Variants in NEIL3 observed in about 807,000 individuals in gnomAD.
NEIL3 encodes the protein endonuclease 8-like 3.
NEIL3 carries 48 observed loss-of-function variants against 57.5 expected under a neutral mutation model. That is an observed-to-expected ratio of 0.83 (90% CI 0.66 to 1.06). NEIL3 has a LOEUF of 1.06. Among genes scored for constraint, NEIL3 ranks in the 50% least tolerant of loss-of-function variants. The pLI is 0.00. For missense variants in NEIL3, 717 were observed against 739.1 expected, an observed-to-expected ratio of 0.97 and a Z score of 0.35; for synonymous variants, 261 against 253.2, an observed-to-expected ratio of 1.03 and a Z score of -0.29.
rs1366208959 is a variant in NEIL3, at chr4:177,336,319, AAAGT to A, written c.627+3_627+6del. 1 of 1,611,148 alleles carries A rather than the reference AAAGT, an allele frequency of 6.2e-7. No individual in the cohort carries two copies. Among genetic ancestry groups the A allele is most frequent in the Non-Finnish European group, 8.5e-7 (1 of 1,178,872 alleles). ...TGACAGTGGTCTCCACCCAGCTGTT[AAAGT>A]AAGTTTTAAGTATTTTTTTAATTAT... On this transcript the variant is annotated splice_donor_variant and coding_sequence_variant, in exon 4 of 10. Transcript: ENST00000264596. LOFTEE classifies it high-confidence loss of function.
chr4:177,314,369 C>T (rs1434325383), intron 1 of NEIL3, among the ~76,000 whole-genome samples: 1 of 152,154 alleles, frequency 6.6e-6, no homozygotes, highest in African/African-American at 2.4e-5. Context: ...ATCTGATCAT[C>T]TTGATTTTGA....
chr4:177,322,391 TTAAA>T (rs1734701757), intron 1 of NEIL3, 64 bp from the exon 2 acceptor site: 5 of 1,599,892 alleles, frequency 3.1e-6, no homozygotes, highest in East Asian at 2.2e-5. Flanking sequence ...CATTTAAGAA[TTAAA>T]TAATGCTTTT....
At chr4:177,349,411 G>A (rs1238014780) in intron 6 of NEIL3, among the ~76,000 whole-genome samples, 2 of 152,002 alleles carry the variant, frequency 1.3e-5, no homozygotes, top group South Asian at 2.1e-4. Flanking sequence ...TGCTGCCAGC[G>A]TTCTTTCATG....
At chr4:177,314,726 C>T (rs1226513703) in intron 1 of NEIL3, among the ~76,000 whole-genome samples, 1 of 152,092 alleles carries the variant, frequency 6.6e-6, no homozygotes, top group Non-Finnish European at 1.5e-5. Flanking sequence ...TTAGAAATCA[C>T]TTTAAAATTA....
intron 6 of NEIL3, among the ~76,000 whole-genome samples, chr4:177,347,062 C>T (rs1001877723): frequency 2.6e-5 from 4 of 151,476 alleles, no homozygotes; most frequent in African/African-American, 9.7e-5. Context: ...AGACATGAGG[C>T]GATGATAAGT....
intron 6 of NEIL3, among the ~76,000 whole-genome samples, chr4:177,349,072 C>T (rs1735296850): frequency 1.5e-5 from 2 of 129,280 alleles, no homozygotes; most frequent in Non-Finnish European, 3.2e-5. Flanking sequence ...TTAGTAGAGA[C>T]GGGGTTTCAC....
At chr4:177,367,809 A>G (rs1166299089), downstream of NEIL3, among the ~76,000 whole-genome samples, 1 of 152,234 alleles carries the variant, frequency 6.6e-6, no homozygotes, top group Non-Finnish European at 1.5e-5. Flanking sequence ...TTCGAGAGCC[A>G]CTGTTTATTG....
chr4:177,335,533 T>C (rs1041777451), intron 2 of NEIL3, among the ~76,000 whole-genome samples, 155 bp from the exon 3 acceptor site: 2 of 152,134 alleles, frequency 1.3e-5, no homozygotes, highest in Admixed American at 1.3e-4. Context: ...GAGAAAAATA[T>C]ATAATAATCT....
chr4:177,336,152 T>C lies in NEIL3; in HGVS notation c.458T>C (p.Leu153Ser). The change falls in exon 4 of 10, where the codon TTA (leucine) becomes TCA (serine). Residue 153 changes from leucine to serine, a missense_variant. Physicochemically the swap from Leu to Ser is moderately radical, Grantham distance 145. Coordinates refer to ENST00000264596, the MANE Select transcript of NEIL3 (RefSeq NM_018248.3). ...SQQRIRMMKE[L>S]DVCSPEFSFL... ...CAGAGAATAAGAATGATGAAAGAAT[T>C]AGATGTATGTTCACCTGAATTTAGT... is the stretch of plus-strand genomic sequence containing the variant. The C allele has an allele frequency of 6.2e-7, 1 of 1,613,756 alleles. No individual in the cohort carries two copies.
At chr4:177,330,074 G>A (rs1442837649) in intron 2 of NEIL3, among the ~76,000 whole-genome samples, 5 of 152,052 alleles carry the variant, frequency 3.3e-5, no homozygotes, top group Non-Finnish European at 7.4e-5. Flanking sequence ...ACCATGCCTG[G>A]CTAATTTTTA....
At position 177,310,060 on chromosome 4, in the gene NEIL3, A is replaced by G; in HGVS notation, c.107A>G (p.Gln36Arg). The change falls in exon 1 of 10, where the codon CAG (glutamine) becomes CGG (arginine). Residue 36 changes from glutamine to arginine, a missense_variant. Coordinates refer to ENST00000264596, the MANE Select transcript of NEIL3 (RefSeq NM_018248.3). Reference sequence around the variant, plus strand: ...CGGGGAAGCGCTCTGCGGAGTCTGCAGGGCCGCGCCTTGCGGCTCGCAGCC... The same window carrying G: ...CGGGGAAGCGCTCTGCGGAGTCTGCGGGGCCGCGCCTTGCGGCTCGCAGCC... ...GVRGSALRSLQGRALRLAAST... is the reference protein window; with the variant it reads ...GVRGSALRSLRGRALRLAAST... 1 of 1,602,424 alleles carries G rather than the reference A, an allele frequency of 6.2e-7. No homozygotes were observed. Among genetic ancestry groups the G allele is most frequent in the South Asian group, 1.1e-5 (1 of 89,810 alleles).
At chr4:177,333,685 T>C (rs1467477624) in intron 2 of NEIL3, among the ~76,000 whole-genome samples, 1 of 152,178 alleles carries the variant, frequency 6.6e-6, no homozygotes, top group Non-Finnish European at 1.5e-5. Context: ...CTTCCTTTGC[T>C]TTGCTGGTGC....
the NEIL3 span, among the ~76,000 whole-genome samples, chr4:177,369,695 G>A: frequency 3.9e-5 from 6 of 152,254 alleles, no homozygotes; most frequent in Admixed American, 3.9e-4. Flanking sequence ...CCGGTCCCAA[G>A]ATCTGCACCA....
At chr4:177,320,855 A>G (rs1053638565) in intron 1 of NEIL3, among the ~76,000 whole-genome samples, 7 of 151,942 alleles carry the variant, frequency 4.6e-5, no homozygotes, top group Admixed American at 2.6e-4. Flanking sequence ...CAAAGGAGGG[A>G]TATATAAAGC....
At chr4:177,336,368 G>A (rs771171873) in intron 4 of NEIL3, 47 bp downstream of exon 4, 3 of 1,464,280 alleles carry the variant, frequency 2.0e-6, no homozygotes, top group Admixed American at 1.7e-5. Flanking sequence ...TTTCGGTACT[G>A]TGAAGGAACC....
chr4:177,316,066 TGTTA>T (rs1466680312), intron 1 of NEIL3, among the ~76,000 whole-genome samples: 1 of 152,196 alleles, frequency 6.6e-6, no homozygotes, highest in Middle Eastern at 3.2e-3. Flanking sequence ...ATACAACCTA[TGTTA>T]GTTTAATTTA....
intron 1 of NEIL3, among the ~76,000 whole-genome samples, chr4:177,314,754 G>A (rs1468886153): frequency 6.6e-6 from 1 of 151,990 alleles, no homozygotes; most frequent in South Asian, 2.1e-4. Flanking sequence ...TGATGACTTC[G>A]ATTGGTATTT....
At chr4:177,312,851 TG>T (rs1472418748) in intron 1 of NEIL3, among the ~76,000 whole-genome samples, 1 of 152,084 alleles carries the variant, frequency 6.6e-6, no homozygotes, top group Non-Finnish European at 1.5e-5. Context: ...CTTCATTTTC[TG>T]GGACTTTGAT....
intron 1 of NEIL3, among the ~76,000 whole-genome samples, chr4:177,319,433 C>T (rs926406236): frequency 1.3e-5 from 2 of 152,064 alleles, no homozygotes; most frequent in African/African-American, 4.8e-5. Context: ...TGTTGAGTTT[C>T]AGCTTTAACT....
Sources: allele counts gnomAD v4.1 joint callset (sites outside exome capture counted in the v4.1 genomes callset), GRCh38; gene constraint gnomAD v4.1.1; transcripts MANE v1.5; gene names NCBI Gene and HGNC (gene_info 2026-07-23, HGNC 2026-07-21).